DYSF: variants seen among roughly 807,000 people sequenced by gnomAD.
The protein encoded by DYSF is dystrophy-associated fer-1-like 1.
DYSF carries 212 observed loss-of-function variants against 274.9 expected under a neutral mutation model. That is an observed-to-expected ratio of 0.77 (90% CI 0.69 to 0.86). The LOEUF (loss-of-function observed/expected upper bound fraction) is 0.86. DYSF is among the 40% of genes least tolerant of loss of function. The probability of loss-of-function intolerance (pLI) is 0.00; values close to 1 mark genes in which losing one functional copy is unlikely to be tolerated. For missense variants in DYSF, 2,666 were observed against 2,783.2 expected (o/e 0.96, Z 0.95); for synonymous variants, 1,091 against 1,078.7 (o/e 1.01, Z -0.22).
intron 16 of DYSF, among the ~76,000 whole-genome samples, chr2:71,537,218 G>GTT (rs751063098): frequency 0.13 from 6,044 of 45,904 alleles, 303 homozygotes; most frequent in Non-Finnish European, 0.18. Context: ...TTACTTTCTA[G>GTT]TTTTGTTTTT....
At chr2:71,470,739 TCC>T (rs2081962793) in intron 1 of DYSF, among the ~76,000 whole-genome samples, 1 of 22,890 alleles carries the variant, frequency 4.4e-5, no homozygotes, top group Non-Finnish European at 8.0e-5. Context: ...CTTCCTTCTT[TCC>T]TTCCTTCCTT....
In DYSF at chr2:71,511,905, C is replaced by T; in HGVS notation, c.444C>T (p.Asp148=). Residue 148 remains aspartate, a synonymous_variant, in exon 5 of 56, where the codon GAC becomes GAT. Coordinates refer to ENST00000410020, the MANE Select transcript of DYSF (RefSeq NM_001130987.2). ...TGGAGCCCTCCCCGACTCTGCCTGA[C>T]CTGGATGTAGTGGCAGGTGGGTAGC... ...TPLEPSPTLP[D]LDVVAGGGQS... The T allele has an allele frequency of 6.5e-7, 1 of 1,549,898 alleles. No individual in the cohort carries two copies. Among genetic ancestry groups the T allele is most frequent in the South Asian group, 1.2e-5 (1 of 83,996 alleles).
At chr2:71,520,231 G>A (rs778527334) in intron 11 of DYSF, 23 bp downstream of exon 11, 29 of 1,613,688 alleles carry the variant, frequency 1.8e-5, no homozygotes, top group Non-Finnish European at 1.9e-5. Context: ...CACTTTGGCC[G>A]TATCCTTGCA....
intron 41 of DYSF, among the ~76,000 whole-genome samples, chr2:71,643,600 C>T (rs567293156): frequency 3.9e-5 from 6 of 152,306 alleles, no homozygotes; most frequent in Admixed American, 3.3e-4. Context: ...ACCCTATGTA[C>T]CCTCTGATTT....
intron 47 of DYSF, among the ~76,000 whole-genome samples, chr2:71,666,790 G>A (rs1326718387): frequency 6.6e-6 from 1 of 152,198 alleles, no homozygotes; most frequent in East Asian, 1.9e-4. Flanking sequence ...GCTTCTCTGT[G>A]CCTCAGATTT....
At chr2:71,474,853 A>C (rs955286137) in intron 1 of DYSF, among the ~76,000 whole-genome samples, 3 of 152,210 alleles carry the variant, frequency 2.0e-5, no homozygotes, top group African/African-American at 4.8e-5. Flanking sequence ...CCAGGAAATG[A>C]GTTTCCAAGT....
chr2:71,496,555 A>G (rs1212114645), intron 3 of DYSF, among the ~76,000 whole-genome samples: 1 of 152,098 alleles, frequency 6.6e-6, no homozygotes, highest in Non-Finnish European at 1.5e-5. Flanking sequence ...ATGTACCGAC[A>G]TAGACGGTAG....
At chr2:71,498,678 A>T (rs1379197231) in intron 3 of DYSF, among the ~76,000 whole-genome samples, 5 of 152,216 alleles carry the variant, frequency 3.3e-5, no homozygotes, top group African/African-American at 1.2e-4. Context: ...TTGTTTCTGG[A>T]AAGGGCTGTT....
intron 47 of DYSF, among the ~76,000 whole-genome samples, 197 bp downstream of exon 47, chr2:71,665,501 T>C (rs954008986): frequency 7.9e-5 from 12 of 151,948 alleles, no homozygotes; most frequent in African/African-American, 2.7e-4. Context: ...GATGCCACTG[T>C]GAAAATTAGA....
At position 71,528,413 on chromosome 2, in the gene DYSF, G is replaced by T. The variant is rs1159581897; in HGVS notation, c.1380+12G>T. 2 of 1,608,754 alleles carry T rather than the reference G, an allele frequency of 1.2e-6. No homozygotes were observed. Among genetic ancestry groups the T allele is most frequent in the Admixed American group, 1.7e-5 (1 of 59,840 alleles). ...TTGCGGGGAAAATGGTAAGGAGCAA[G>T]GGAGCAGGAGGGTTCTCTCGGGAGG... On this transcript the variant is annotated intron_variant, in intron 14 of 55. Transcript: ENST00000410020.
At chr2:71,509,594 T>C (rs948840890) in intron 4 of DYSF, among the ~76,000 whole-genome samples, 18 of 152,210 alleles carry the variant, frequency 1.2e-4, no homozygotes, top group Non-Finnish European at 5.9e-5. Flanking sequence ...GGAAAAGCTT[T>C]CTCCTCTCCT....
intron 42 of DYSF, among the ~76,000 whole-genome samples, chr2:71,646,445 A>G (rs2094568874): frequency 6.6e-6 from 1 of 152,176 alleles, no homozygotes; most frequent in South Asian, 2.1e-4. Context: ...CATTCAAACT[A>G]TTTCTGGGGG....
chr2:71,474,766 G>C (rs952273434), intron 1 of DYSF, among the ~76,000 whole-genome samples: 6 of 152,148 alleles, frequency 3.9e-5, no homozygotes, highest in African/African-American at 1.4e-4. Context: ...GGGAAGGTAG[G>C]AAGTGGAAAA....
intron 12 of DYSF, 85 bp downstream of exon 12, chr2:71,520,989 T>A: frequency 9.3e-7 from 1 of 1,081,054 alleles, no homozygotes; most frequent in Non-Finnish European, 1.4e-6. Context: ...AAAAACTCTA[T>A]TTTTTTTTCT....
chr2:71,644,106 A>G lies in DYSF; in HGVS notation c.4626+43A>G, dbSNP rs84182. On this transcript the variant is annotated intron_variant, in intron 42 of 55. Transcript: ENST00000410020. ...TCTGACAGTCGGTGTGTGTGTGCGT[A>G]CTGGGCAGTGGGAGACACAACAGAA... 1,307,576 of 1,501,960 alleles carry G rather than the reference A, an allele frequency of 0.87. 570,309 individuals are homozygous for G. Among genetic ancestry groups the G allele is most frequent in the Middle Eastern group, 0.91 (4,884 of 5,366 alleles). The allele number at this position is 1,501,960 out of a possible 1,614,324, so 93.0% of individuals were successfully genotyped here.
At position 71,538,055 on chromosome 2, in the gene DYSF, G is replaced by A. The variant is rs544587418; in HGVS notation, c.1494-1102G>A. 1.3e-3 allele frequency among the ~76,000 whole-genome samples: 202 copies of A among 152,220 alleles called. 1 individual carries two copies. The highest frequency in any genetic ancestry group is 2.5e-3 in the Non-Finnish European group (167 of 68,040). On this transcript the variant is annotated intron_variant, in intron 16 of 55. Transcript: ENST00000410020. ...GCAGGTGGCTGCAATCAAAGCTCTG[G>A]TCTCCACGTCAGCATATCTGGCCTC...
At chr2:71,576,098 C>T (rs2092689435) in intron 30 of DYSF, among the ~76,000 whole-genome samples, 1 of 152,254 alleles carries the variant, frequency 6.6e-6, no homozygotes, top group Non-Finnish European at 1.5e-5. Context: ...CCAGCTCAGC[C>T]TGGTGGTGCC....
chr2:71,570,465 A>C, intron 28 of DYSF, 131 bp downstream of exon 28: 2 of 1,431,262 alleles, frequency 1.4e-6, no homozygotes, highest in East Asian at 2.4e-5. Context: ...GGCACCCCCC[A>C]CTCCAAGCTG....
intron 3 of DYSF, among the ~76,000 whole-genome samples, chr2:71,498,352 T>C (rs2084626864): frequency 6.6e-6 from 1 of 151,954 alleles, no homozygotes; most frequent in Admixed American, 6.6e-5. Flanking sequence ...GGAATAGGAG[T>C]GCTGATTTGT....
Sources: gnomAD v4.1 joint callset for allele counts (sites outside exome capture counted in the v4.1 genomes callset) on GRCh38, gnomAD v4.1.1 for gene constraint, MANE v1.5 for transcripts, NCBI Gene and HGNC (gene_info 2026-07-23, HGNC 2026-07-21) for gene names.